HMCES: variants seen among roughly 807,000 people sequenced by gnomAD.
The protein encoded by HMCES is 5-hydroxymethylcytosine binding, ES cell specific.
A neutral mutation model predicts 35.1 loss-of-function variants in HMCES; 27 were observed. The observed-to-expected ratio is 0.77, with a 90% CI of 0.57 to 1.06. The LOEUF (loss-of-function observed/expected upper bound fraction) is 1.06. HMCES is among the 50% of genes least tolerant of loss of function. The pLI, the probability that HMCES is intolerant of heterozygous loss-of-function variation, is 0.00. For missense variants in HMCES, 391 were observed against 430.4 expected, an observed-to-expected ratio of 0.91 and a Z score of 0.81; for synonymous variants, 130 against 154.7, an observed-to-expected ratio of 0.84 and a Z score of 1.18.
rs941480000 is a variant in HMCES at position 129,305,087 on chromosome 3, G to C, written c.*262G>C. ...GCGCCTGCTGCCCTTTCCTGGCAGGGCTGGTGGAGTCTTCCCTCAAAGCAT... is the reference window on the plus strand; with the variant it reads ...GCGCCTGCTGCCCTTTCCTGGCAGGCCTGGTGGAGTCTTCCCTCAAAGCAT... On this transcript the variant is annotated 3_prime_UTR_variant, in exon 7 of 7. Transcript: ENST00000383463. The C allele has an allele frequency of 1.3e-4, 66 of 516,816 alleles. 1 individual carries two copies. The South Asian group carries it at 1.6e-3, about 12-fold the overall frequency. The allele number at this position is 516,816 out of a possible 1,614,324, so 32.0% of individuals were successfully genotyped here.
chr3:129,302,412 T>C lies in HMCES; in HGVS notation c.828+270T>C, dbSNP rs150487335. 9.2e-5 allele frequency among the ~76,000 whole-genome samples: 14 copies of C among 152,278 alleles called. No individual in the cohort carries two copies. The East Asian group carries it at 2.5e-3, about 27-fold the overall frequency. On this transcript the variant is annotated intron_variant, in intron 6 of 6. Transcript: ENST00000383463. Reference sequence around the variant, plus strand: ...AACATTTAGAGCTAGGCTTGGACTTTTGTATAATTAAGAAGCTTCAGGCTG... The same window carrying C: ...AACATTTAGAGCTAGGCTTGGACTTCTGTATAATTAAGAAGCTTCAGGCTG...
At chr3:129,280,942 G>C (rs150368029) in intron 2 of HMCES, among the ~76,000 whole-genome samples, 42 of 152,254 alleles carry the variant, frequency 2.8e-4, no homozygotes, top group African/African-American at 1.0e-3. Context: ...CGTGATTGTT[G>C]GCTGGGCACG....
At chr3:129,285,812 C>T (rs1178663641) in intron 2 of HMCES, among the ~76,000 whole-genome samples, 1 of 151,388 alleles carries the variant, frequency 6.6e-6, no homozygotes, top group East Asian at 1.9e-4. Flanking sequence ...TCAATGCAAC[C>T]TGCACCTCCC....
intron 4 of HMCES, among the ~76,000 whole-genome samples, chr3:129,291,950 G>A (rs968559310): frequency 1.3e-5 from 2 of 151,992 alleles, no homozygotes; most frequent in Admixed American, 6.6e-5. Context: ...AAATTAGCTG[G>A]GCGTGGTCCC....
In HMCES at chr3:129,304,917, G is replaced by A. The variant is rs555310835; in HGVS notation, c.*92G>A. On this transcript the variant is annotated 3_prime_UTR_variant, in exon 7 of 7. Transcript: ENST00000383463. ...TTGTATGTATATGTGTTTGCTTTGG[G>A]AGGAGGTGGCACTGTGTTAGTTGAC... The A allele has an allele frequency of 1.2e-4, 126 of 1,055,250 alleles. No individual in the cohort carries two copies. The highest frequency in any genetic ancestry group is 8.9e-4 in the Middle Eastern group (4 of 4,504). The allele number at this position is 1,055,250 out of a possible 1,614,324, so 65.4% of individuals were successfully genotyped here.
Position 129,304,746 on chromosome 3 carries a change from G to T in HMCES, c.986G>T (p.Gly329Val), listed in dbSNP as rs746198617. 2.7e-5 allele frequency: 44 copies of T among 1,614,178 alleles called. No individual in the cohort carries two copies. The highest frequency in any genetic ancestry group is 3.7e-5 in the Non-Finnish European group (44 of 1,180,038). The change falls in exon 7 of 7, where the codon GGC (glycine) becomes GTC (valine). Residue 329 changes from glycine to valine, a missense_variant. By Grantham distance (109) the Gly-to-Val change is moderately radical. Transcript: ENST00000383463. Reference sequence around the variant, plus strand: ...AAGAGTCCACTCCCCACCAAGAGAGGCACTGCAGGACTCCTAGAGCAATGG... The same window carrying T: ...AAGAGTCCACTCCCCACCAAGAGAGTCACTGCAGGACTCCTAGAGCAATGG... Reference protein sequence around the residue: ...LQKSPLPTKRGTAGLLEQWLK... With the variant: ...LQKSPLPTKRVTAGLLEQWLK...
In HMCES at chr3:129,278,889, C is replaced by T. The variant is rs1299132904; in HGVS notation, c.-40C>T. 1 of 148,014 alleles carries T rather than the reference C, an allele frequency of 6.8e-6. No homozygotes were observed. Among genetic ancestry groups the T allele is most frequent in the Non-Finnish European group, 1.5e-5 (1 of 67,318 alleles). 9.2% of individuals were successfully genotyped at this position (148,014 alleles called of 1,614,324 possible). A position where few individuals can be genotyped will look rare whatever the true frequency, so the allele number is the denominator to read the frequency against. On this transcript the variant is annotated 5_prime_UTR_variant, in exon 1 of 7. Transcript: ENST00000383463. ...GTGAGGAGAGTCGAGGGAGGTGACG[C>T]GCGCTGCCGGGGCGAGGTGAGGGGA...
intron 2 of HMCES, 30 bp from the exon 3 acceptor site, chr3:129,288,824 T>A (rs563142383): frequency 7.0e-7 from 1 of 1,433,824 alleles, no homozygotes; most frequent in East Asian, 2.4e-5. Context: ...TTCATTATGA[T>A]CTCCTCACTA....
intron 4 of HMCES, among the ~76,000 whole-genome samples, chr3:129,294,380 G>A (rs2071066197): frequency 6.6e-6 from 1 of 152,198 alleles, no homozygotes; most frequent in African/African-American, 2.4e-5. Context: ...CCAAGATTGC[G>A]CCACTGTGCT....
rs984803474 is a variant in HMCES at position 129,279,436 on chromosome 3, C to A, written c.-23-274C>A. On this transcript the variant is annotated intron_variant, in intron 1 of 6. Coordinates refer to ENST00000383463, the MANE Select transcript of HMCES (RefSeq NM_020187.3). The surrounding 1 kb of genome is among the most constrained non-coding windows in gnomAD (Gnocchi z 4.2). The stretch of plus-strand genomic sequence containing the variant: ...GCCCTGCTTCGCTGGACTGTGAAGC[C>A]CCCTCCGCTGCGGCTCTTCCTGCGC... Among the ~76,000 whole-genome samples, 14 of 152,214 alleles carry A rather than the reference C, an allele frequency of 9.2e-5. No homozygotes were observed. The highest frequency in any genetic ancestry group is 4.6e-4 in the Admixed American group (7 of 15,292).
intron 2 of HMCES, among the ~76,000 whole-genome samples, chr3:129,282,762 C>T (rs904964921): frequency 6.6e-6 from 1 of 152,210 alleles, no homozygotes; most frequent in Admixed American, 6.5e-5. Context: ...TTTGAAACCA[C>T]AGATTTGCAA....
In HMCES at chr3:129,302,104, C is replaced by T. The variant is rs372612340; in HGVS notation, c.790C>T (p.Pro264Ser). 1.9e-5 allele frequency: 30 copies of T among 1,613,982 alleles called. No individual in the cohort carries two copies. The highest frequency in any genetic ancestry group is 3.3e-5 in the South Asian group (3 of 91,064). Residue 264 changes from proline to serine, a missense_variant, in exon 6 of 7, where the codon CCT becomes TCT. Coordinates refer to ENST00000383463, the MANE Select transcript of HMCES (RefSeq NM_020187.3). ...GGTGAACAACTCGCGAAACAACACTCCTGAGTGTCTGGCTCCTGTCGACTT... is the reference window on the plus strand; with the variant it reads ...GGTGAACAACTCGCGAAACAACACTTCTGAGTGTCTGGCTCCTGTCGACTT... The part of the protein sequence containing the change: ...SVVNNSRNNT[P>S]ECLAPVDLVV...
intron 5 of HMCES, among the ~76,000 whole-genome samples, chr3:129,301,350 TTA>T (rs1443637663): frequency 6.6e-6 from 1 of 152,194 alleles, no homozygotes. Flanking sequence ...TAACATTATT[TTA>T]TATGTTATGT....
chr3:129,302,603 G>C (rs184902632), intron 6 of HMCES, among the ~76,000 whole-genome samples: 2 of 152,248 alleles, frequency 1.3e-5, no homozygotes, highest in Admixed American at 1.3e-4. Context: ...AGTGATCCCA[G>C]CTACTTGGGA....
At chr3:129,299,714 C>T (rs1227042107) in intron 5 of HMCES, among the ~76,000 whole-genome samples, 2 of 134,902 alleles carry the variant, frequency 1.5e-5, no homozygotes, top group African/African-American at 2.8e-5. Context: ...TGCAGTGGTG[C>T]GATCTCGGCT....
At chr3:129,283,107 A>T (rs1940543000) in intron 2 of HMCES, among the ~76,000 whole-genome samples, 1 of 152,132 alleles carries the variant, frequency 6.6e-6, no homozygotes, top group Non-Finnish European at 1.5e-5. Context: ...AGCATCCTCC[A>T]CAATAGCATC....
intron 4 of HMCES, among the ~76,000 whole-genome samples, chr3:129,295,576 C>T (rs1376482447): frequency 6.6e-6 from 1 of 152,178 alleles, no homozygotes; most frequent in East Asian, 1.9e-4. Context: ...CTGGCAACCA[C>T]TGTCTGGTAT....
Position 129,290,719 on chromosome 3 carries a change from A to G in HMCES, c.368A>G (p.Asp123Gly). ...GGAAGACGCTGTGTCGTTTTAGCAG[A>G]TGGATTCTATGAGTGGCAGCGATGT... is the stretch of plus-strand genomic sequence containing the variant. ...GKGRRCVVLA[D>G]GFYEWQRCQG... Residue 123 changes from aspartate to glycine, a missense_variant, in exon 4 of 7, where the codon GAT becomes GGT. Transcript: ENST00000383463. 1.2e-6 allele frequency: 2 copies of G among 1,613,620 alleles called. No individual in the cohort carries two copies. Among genetic ancestry groups the G allele is most frequent in the Non-Finnish European group, 1.7e-6 (2 of 1,179,630 alleles).
At chr3:129,291,185 ACT>A (rs1344504765) in intron 4 of HMCES, among the ~76,000 whole-genome samples, 2 of 152,158 alleles carry the variant, frequency 1.3e-5, no homozygotes, top group Non-Finnish European at 2.9e-5. Context: ...ACAGAGCAAG[ACT>A]CTGTCAAAAT....
Sources: allele counts gnomAD v4.1 joint callset (sites outside exome capture counted in the v4.1 genomes callset), GRCh38; gene constraint gnomAD v4.1.1; non-coding constraint Gnocchi (gnomAD v3.1); transcripts MANE v1.5; gene names NCBI Gene and HGNC (gene_info 2026-07-23, HGNC 2026-07-21).